Variants in MIS18BP1 observed in about 807,000 individuals in gnomAD.
MIS18BP1 encodes the protein mis18-binding protein 1.
MIS18BP1 carries 72 observed loss-of-function variants against 116.1 expected under a neutral mutation model. The ratio of observed to expected loss-of-function variants is 0.62; its 90% CI spans 0.51 to 0.75. The LOEUF (loss-of-function observed/expected upper bound fraction) is 0.75. MIS18BP1 is among the 30% of genes least tolerant of loss of function. The probability of loss-of-function intolerance (pLI) is 0.00; values close to 1 mark genes in which losing one functional copy is unlikely to be tolerated. For missense variants in MIS18BP1, 1,363 were observed against 1,303.2 expected, an observed-to-expected ratio of 1.05 and a Z score of -0.71; for synonymous variants, 386 against 427.0, an observed-to-expected ratio of 0.90 and a Z score of 1.18.
intron 8 of MIS18BP1, among the ~76,000 whole-genome samples, chr14:45,230,382 C>A (rs990154931): frequency 1.3e-5 from 2 of 152,172 alleles, no homozygotes; most frequent in African/African-American, 4.8e-5. Context: ...TCTGTCGTTA[C>A]AGCAATGGTC....
intron 4 of MIS18BP1, among the ~76,000 whole-genome samples, chr14:45,240,106 C>T (rs1566819208): frequency 6.6e-6 from 1 of 152,028 alleles, no homozygotes; most frequent in African/African-American, 2.4e-5. Flanking sequence ...GTGCTGGAAA[C>T]ATATTGGAGA....
At chr14:45,204,282 A>G (rs1890450051) in intron 16 of MIS18BP1, 70 bp from the exon 17 acceptor site, 2 of 1,538,942 alleles carry the variant, frequency 1.3e-6, no homozygotes, top group Non-Finnish European at 1.8e-6. Context: ...GAAAACAACT[A>G]TAAGGAATAA....
At chr14:45,250,050 C>G (rs1286896690) in intron 1 of MIS18BP1, 1 of 152,186 alleles carries the variant, frequency 6.6e-6, no homozygotes, top group Non-Finnish European at 1.5e-5. Flanking sequence ...ACATGCAGAA[C>G]TGTCTTCATT....
In MIS18BP1 at chr14:45,235,188, C is replaced by A. The variant is rs566420735; in HGVS notation, c.1348+626G>T. Among the ~76,000 whole-genome samples, 14 of 143,946 alleles carry A rather than the reference C, an allele frequency of 9.7e-5. No homozygotes were observed. The South Asian group carries it at 2.6e-3, about 27-fold the overall frequency. The allele number at this position is 143,946 out of a possible 152,430, so 94.4% of individuals were successfully genotyped here. A position where few individuals can be genotyped will look rare whatever the true frequency, so the allele number is the denominator to read the frequency against. ...CGCCACTACACTCCAGCCTGGGCAA[C>A]AGAGCAAGACTCCATCTCCAAAAAA... is the stretch of plus-strand genomic sequence containing the variant. On this transcript the variant is annotated intron_variant, in intron 6 of 16. Transcript: ENST00000310806.
intron 13 of MIS18BP1, among the ~76,000 whole-genome samples, chr14:45,214,696 T>C (rs1890768579): frequency 6.6e-6 from 1 of 152,224 alleles, no homozygotes. Context: ...CTTCAAACTA[T>C]GTCACAGAAA....
At chr14:45,229,300 G>A (rs950098213) in intron 8 of MIS18BP1, among the ~76,000 whole-genome samples, 21 of 151,982 alleles carry the variant, frequency 1.4e-4, no homozygotes, top group African/African-American at 4.4e-4. Context: ...GAGGCCAGGA[G>A]TAGGAGACCA....
intron 11 of MIS18BP1, among the ~76,000 whole-genome samples, chr14:45,222,627 G>T (rs1285863438): frequency 2.0e-5 from 3 of 152,168 alleles, no homozygotes; most frequent in African/African-American, 7.2e-5. Flanking sequence ...AGCTAGCCTA[G>T]AAACTGGGTG....
intron 4 of MIS18BP1, among the ~76,000 whole-genome samples, chr14:45,239,409 A>G (rs539270781): frequency 6.6e-6 from 1 of 152,356 alleles, no homozygotes; most frequent in East Asian, 1.9e-4. Flanking sequence ...AGAACTGAAT[A>G]AAGTGAGCAA....
chr14:45,211,229 T>C (rs1030769593), intron 13 of MIS18BP1, among the ~76,000 whole-genome samples: 1 of 152,196 alleles, frequency 6.6e-6, no homozygotes, highest in African/African-American at 2.4e-5. Flanking sequence ...TATCTGGTCA[T>C]GTATTTCCTT....
At chr14:45,233,519 G>A (rs1891344536) in intron 6 of MIS18BP1, among the ~76,000 whole-genome samples, 1 of 152,162 alleles carries the variant, frequency 6.6e-6, no homozygotes, top group Non-Finnish European at 1.5e-5. Flanking sequence ...AGAAGAACCT[G>A]TGGAAGAGCA....
At chr14:45,246,363 A>AT (rs1891721788) in intron 2 of MIS18BP1, among the ~76,000 whole-genome samples, 1 of 152,212 alleles carries the variant, frequency 6.6e-6, no homozygotes, top group Non-Finnish European at 1.5e-5. Context: ...CAAGGCGTTT[A>AT]TAACAGCTGC....
chr14:45,206,373 A>G (rs968105856), intron 14 of MIS18BP1: 2 of 454,288 alleles, frequency 4.4e-6, no homozygotes, highest in African/African-American at 4.0e-5. Flanking sequence ...TGCAGCCTCA[A>G]CCTCCTGGGC....
chr14:45,231,343 A>C, intron 7 of MIS18BP1, 45 bp from the exon 8 acceptor site: 1 of 1,477,696 alleles, frequency 6.8e-7, no homozygotes, highest in Non-Finnish European at 9.1e-7. Flanking sequence ...TGATTCTCAA[A>C]AAAACAAAAC....
At chr14:45,206,703 ATCAAGACT>A (rs1890527864) in intron 14 of MIS18BP1, among the ~76,000 whole-genome samples, 1 of 152,238 alleles carries the variant, frequency 6.6e-6, no homozygotes, top group Admixed American at 6.5e-5. Flanking sequence ...GGAAATACTG[ATCAAGACT>A]ATTTTGGGAA....
At chr14:45,237,900 A>C (rs968891437) in intron 4 of MIS18BP1, among the ~76,000 whole-genome samples, 179 bp from the exon 5 acceptor site, 3 of 152,206 alleles carry the variant, frequency 2.0e-5, no homozygotes, top group Non-Finnish European at 4.4e-5. Flanking sequence ...GTATACAATG[A>C]AACAGAAAAG....
At chr14:45,240,517 A>G (rs1566819451) in intron 4 of MIS18BP1, among the ~76,000 whole-genome samples, 1 of 151,800 alleles carries the variant, frequency 6.6e-6, no homozygotes, top group Non-Finnish European at 1.5e-5. Context: ...TTCCATCTCT[A>G]TGCTGATAGC....
At chr14:45,207,439 T>C (rs1362957486) in intron 14 of MIS18BP1, among the ~76,000 whole-genome samples, 1 of 152,152 alleles carries the variant, frequency 6.6e-6, no homozygotes, top group East Asian at 1.9e-4. Context: ...TTACCTGAAG[T>C]CAGGAGTTCA....
At chr14:45,225,512 A>G (rs555267441) in intron 10 of MIS18BP1, among the ~76,000 whole-genome samples, 1 of 152,268 alleles carries the variant, frequency 6.6e-6, no homozygotes, top group South Asian at 2.1e-4. Flanking sequence ...GTAGTCACTG[A>G]AACCTTACTA....
At chr14:45,215,898 C>G (rs374334151) in intron 13 of MIS18BP1, among the ~76,000 whole-genome samples, 4 of 150,848 alleles carry the variant, frequency 2.7e-5, no homozygotes, top group South Asian at 2.1e-4. Context: ...TAGAGACGAG[C>G]TTTCACCGTG....
Sources: allele counts gnomAD v4.1 joint callset (sites outside exome capture counted in the v4.1 genomes callset), GRCh38; gene constraint gnomAD v4.1.1; transcripts MANE v1.5; gene names NCBI Gene and HGNC (gene_info 2026-07-23, HGNC 2026-07-21).